DTX3L: variants seen among roughly 807,000 people sequenced by gnomAD.
DTX3L encodes deltex E3 ubiquitin ligase 3L.
In DTX3L, 34 loss-of-function variants were observed where a neutral mutation model predicts 60.9. The ratio of observed to expected loss-of-function variants is 0.56; its 90% CI spans 0.42 to 0.74. The LOEUF is 0.74. DTX3L is among the 30% of genes least tolerant of loss of function. The pLI is 0.00. For synonymous variants in DTX3L, 290 were observed against 316.6 expected (o/e 0.92, Z 0.89); for missense variants, 810 against 874.0 (o/e 0.93, Z 0.92).
intron 3 of DTX3L, 58 bp downstream of exon 3, chr3:122,570,082 A>G (rs760146446): frequency 6.5e-7 from 1 of 1,541,964 alleles, no homozygotes; most frequent in Non-Finnish European, 8.9e-7. Flanking sequence ...ACCAGGGCAA[A>G]AGAGACTGTC....
chr3:122,570,062 T>C (rs1576460239), intron 3 of DTX3L, 38 bp downstream of exon 3: 1 of 1,599,056 alleles, frequency 6.3e-7, no homozygotes, highest in Non-Finnish European at 8.5e-7. Context: ...CTTGCCACTA[T>C]GCTACGATTA....
rs948925912 is a variant in DTX3L, at chr3:122,569,789, C to G, written c.1700C>G (p.Thr567Ser). The G allele has an allele frequency of 1.2e-6, 2 of 1,614,100 alleles. No individual in the cohort carries two copies. The highest frequency in any genetic ancestry group is 2.2e-5 in the South Asian group (2 of 91,074). The change falls in exon 3 of 5, where the codon ACC becomes AGC. Residue 567 changes from threonine (T) to serine (S), a missense_variant. Transcript: ENST00000296161. ...GGCATCTGTGTCATCTGTATGGACACCATTAGTAACAAAAAAGTGCTACCA... is the reference window on the plus strand; with the variant it reads ...GGCATCTGTGTCATCTGTATGGACAGCATTAGTAACAAAAAAGTGCTACCA... ...EKGICVICMD[T>S]ISNKKVLPKC...
In DTX3L at chr3:122,569,056, C is replaced by A. The variant is rs749339925; in HGVS notation, c.967C>A (p.Gln323Lys). Residue 323 changes from glutamine to lysine, a missense_variant, in exon 3 of 5, where the codon CAG (glutamine) becomes AAG (lysine). Coordinates refer to ENST00000296161, the MANE Select transcript of DTX3L (RefSeq NM_138287.3). The stretch of plus-strand genomic sequence containing the variant: ...CAGTAAGCAGGCAAATAAATTCAAA[C>A]AGGAATTGAATCACCAGTTTACAAA... ...ADSKQANKFK[Q>K]ELNHQFTKLL... 3 of 1,613,876 alleles carry A rather than the reference C, an allele frequency of 1.9e-6. No homozygotes were observed. The highest frequency in any genetic ancestry group is 2.5e-6 in the Non-Finnish European group (3 of 1,179,942).
In DTX3L at chr3:122,569,360, A is replaced by T; in HGVS notation, c.1271A>T (p.Asp424Val). Residue 424 changes from aspartate to valine, a missense_variant, in exon 3 of 5, where the codon GAC (aspartate) becomes GTC (valine). Asp to Val is a radical substitution (Grantham distance 152, BLOSUM62 -3). Coordinates refer to ENST00000296161, the MANE Select transcript of DTX3L (RefSeq NM_138287.3). ...ACCTGCATTCTGTTTGAATCCAAGG[A>T]CAGGCAGGTAGATCTATCTGTGCAT... ...QKTCILFESK[D>V]RQVDLSVHAY... 1 of 1,614,182 alleles carries T rather than the reference A, an allele frequency of 6.2e-7. No individual in the cohort carries two copies. Among genetic ancestry groups the T allele is most frequent in the Non-Finnish European group, 8.5e-7 (1 of 1,180,032 alleles).
At chr3:122,565,822 T>C (rs372259401) in intron 1 of DTX3L, 37 bp from the exon 2 acceptor site, 43 of 1,582,362 alleles carry the variant, frequency 2.7e-5, no homozygotes, top group Non-Finnish European at 3.3e-5. Context: ...CCCATTTTTA[T>C]GTGTGTATAT....
At position 122,571,832 on chromosome 3, in the gene DTX3L, G is replaced by T; in HGVS notation, c.*85G>T. The T allele has an allele frequency of 8.6e-7, 1 of 1,156,868 alleles. No individual in the cohort carries two copies. Among genetic ancestry groups the T allele is most frequent in the Non-Finnish European group, 1.2e-6 (1 of 821,688 alleles). 71.7% of individuals were successfully genotyped at this position (1,156,868 alleles called of 1,614,324 possible). ...ATTTAATGCCAGTCTAAATCCTTAT[G>T]TAGAAAGGACTTTGAAATTTTTCTT... On this transcript the variant is annotated 3_prime_UTR_variant, in exon 5 of 5. Coordinates refer to ENST00000296161, the MANE Select transcript of DTX3L (RefSeq NM_138287.3).
rs141397700 is a variant in DTX3L at position 122,570,653 on chromosome 3, C to T, written c.2134C>T (p.Arg712Trp). ...TWNDIHHKTS[R>W]FGGPEMYGYP... is the part of the protein sequence containing the mutation. ...GAATGATATTCACCACAAAACATCC[C>T]GGTTTGGAGGACCAGAAATGTGAGA... Residue 712 changes from arginine (R) to tryptophan (W), a missense_variant, in exon 4 of 5, where the codon CGG becomes TGG. By Grantham distance (101) the Arg-to-Trp change is moderately radical. Coordinates refer to ENST00000296161, the MANE Select transcript of DTX3L (RefSeq NM_138287.3). 9.0e-5 allele frequency: 146 copies of T among 1,614,096 alleles called. No homozygotes were observed. Among genetic ancestry groups the T allele is most frequent in the East Asian group, 5.3e-4 (24 of 44,880 alleles).
In DTX3L at chr3:122,564,368, C is replaced by T; in HGVS notation, c.-59C>T. 5.2e-6 allele frequency: 8 copies of T among 1,532,958 alleles called. No individual in the cohort carries two copies. In the South Asian group the frequency reaches 9.6e-5, roughly 18 times the overall value. 95.0% of individuals were successfully genotyped at this position (1,532,958 alleles called of 1,614,324 possible). The stretch of plus-strand genomic sequence containing the variant: ...TTTGCGCCCAGTCCGCAGGGCGGGC[C>T]GCGCCTTTACCGCCCAGCTGCCTCC... On this transcript the variant is annotated 5_prime_UTR_variant, in exon 1 of 5. Coordinates refer to ENST00000296161, the MANE Select transcript of DTX3L (RefSeq NM_138287.3).
In DTX3L at chr3:122,568,992, C is replaced by G; in HGVS notation, c.903C>G (p.Asn301Lys). The change falls in exon 3 of 5, where the codon AAC (asparagine) becomes AAG (lysine). Residue 301 changes from asparagine to lysine, a missense_variant. By Grantham distance (94) the Asn-to-Lys change is moderately conservative. Transcript: ENST00000296161. ...RESFASEFQKNTEPLKQECVS... is the reference protein window; with the variant it reads ...RESFASEFQKKTEPLKQECVS... ...CTTTTGCTAGTGAATTTCAGAAGAA[C>G]ACAGAACCTCTGAAGCAAGAATGTG... The G allele has an allele frequency of 6.2e-7, 1 of 1,614,126 alleles. No individual in the cohort carries two copies. The highest frequency in any genetic ancestry group is 8.5e-7 in the Non-Finnish European group (1 of 1,180,040).
chr3:122,564,521 G>T lies in DTX3L; in HGVS notation c.95G>T (p.Ser32Ile). The T allele has an allele frequency of 1.2e-6, 2 of 1,611,798 alleles. No homozygotes were observed. Among genetic ancestry groups the T allele is most frequent in the Non-Finnish European group, 1.7e-6 (2 of 1,178,774 alleles). ...VRRKLESYFQ[S>I]SKSSGGGECT... ...AGGAAGCTGGAGAGCTACTTCCAGAGCTCTAAGTCCTCGGGCGGCGGGGAG... is the reference window on the plus strand; with the variant it reads ...AGGAAGCTGGAGAGCTACTTCCAGATCTCTAAGTCCTCGGGCGGCGGGGAG... The change falls in exon 1 of 5, where the codon AGC becomes ATC. Residue 32 changes from serine to isoleucine, a missense_variant. Coordinates refer to ENST00000296161, the MANE Select transcript of DTX3L (RefSeq NM_138287.3).
In DTX3L at chr3:122,564,388, G is replaced by A. The variant is rs1465613426; in HGVS notation, c.-39G>A. The stretch of plus-strand genomic sequence containing the variant: ...CGGGCCGCGCCTTTACCGCCCAGCT[G>A]CCTCCCGGAGCCCCCGCGCCCTCCC... On this transcript the variant is annotated 5_prime_UTR_variant, in exon 1 of 5. Transcript: ENST00000296161. 3.8e-6 allele frequency: 6 copies of A among 1,576,854 alleles called. No individual in the cohort carries two copies. The highest frequency in any genetic ancestry group is 5.2e-6 in the Non-Finnish European group (6 of 1,163,662).
Position 122,568,639 on chromosome 3 carries a change from A to G in DTX3L, c.550A>G (p.Ile184Val). The change falls in exon 3 of 5, where the codon ATA becomes GTA. Residue 184 changes from isoleucine (I) to valine (V), a missense_variant. Physicochemically the swap from Ile to Val is conservative, Grantham distance 29. Coordinates refer to ENST00000296161, the MANE Select transcript of DTX3L (RefSeq NM_138287.3). ...VCGDFQDIER[I>V]HQFLSEQFLE... ...TGGTGACTTCCAAGACATTGAAAGA[A>G]TACATCAATTTTTGAGTGAGCAGTT... 2 of 1,614,214 alleles carry G rather than the reference A, an allele frequency of 1.2e-6. No homozygotes were observed. Among genetic ancestry groups the G allele is most frequent in the Non-Finnish European group, 1.7e-6 (2 of 1,180,040 alleles).
At chr3:122,567,489 A>G (rs1349013144) in intron 2 of DTX3L, among the ~76,000 whole-genome samples, 1 of 152,196 alleles carries the variant, frequency 6.6e-6, no homozygotes, top group Non-Finnish European at 1.5e-5. Context: ...AGTCCTTGAG[A>G]AGGAACAAAA....
Position 122,570,654 on chromosome 3 carries a change from G to T in DTX3L, c.2135G>T (p.Arg712Leu). 2 of 1,614,164 alleles carry T rather than the reference G, an allele frequency of 1.2e-6. No individual in the cohort carries two copies. Among genetic ancestry groups the T allele is most frequent in the Non-Finnish European group, 1.7e-6 (2 of 1,180,026 alleles). Residue 712 changes from arginine (R) to leucine (L), a missense_variant, in exon 4 of 5, where the codon CGG (arginine) becomes CTG (leucine). By Grantham distance (102) the Arg-to-Leu change is moderately radical. Coordinates refer to ENST00000296161, the MANE Select transcript of DTX3L (RefSeq NM_138287.3). ...TWNDIHHKTS[R>L]FGGPEMYGYP... ...AATGATATTCACCACAAAACATCCC[G>T]GTTTGGAGGACCAGAAATGTGAGAT...
chr3:122,571,772 ATC>A lies in DTX3L; in HGVS notation c.*26_*27del. 1 of 1,590,278 alleles carries A rather than the reference ATC, an allele frequency of 6.3e-7. No homozygotes were observed. Among genetic ancestry groups the A allele is most frequent in the South Asian group, 1.1e-5 (1 of 88,702 alleles). Reference sequence around the variant, plus strand: ...AGACAACTGCTGGAAGATGTCTTAAATCAAGCTTTCAAAAAAATATATTTTAG... The same window carrying A: ...AGACAACTGCTGGAAGATGTCTTAAAAAGCTTTCAAAAAAATATATTTTAG... On this transcript the variant is annotated 3_prime_UTR_variant, in exon 5 of 5. Coordinates refer to ENST00000296161, the MANE Select transcript of DTX3L (RefSeq NM_138287.3).
At position 122,565,889 on chromosome 3, in the gene DTX3L, A is replaced by G; in HGVS notation, c.218A>G (p.His73Arg). ...AKERVLKKGE[H>R]QILVDEKPVP... Reference sequence around the variant, plus strand: ...GAGAGAGTGTTGAAAAAAGGAGAGCACCAAATACTTGTTGACGAAAAACCT... The same window carrying G: ...GAGAGAGTGTTGAAAAAAGGAGAGCGCCAAATACTTGTTGACGAAAAACCT... The change falls in exon 2 of 5, where the codon CAC becomes CGC. Residue 73 changes from histidine (H) to arginine (R), a missense_variant. Physicochemically the swap from His to Arg is conservative, Grantham distance 29. Transcript: ENST00000296161. 2 of 1,614,156 alleles carry G rather than the reference A, an allele frequency of 1.2e-6. No homozygotes were observed. The highest frequency in any genetic ancestry group is 1.7e-6 in the Non-Finnish European group (2 of 1,180,030).
At chr3:122,570,997 C>T (rs34407651) in intron 4 of DTX3L, among the ~76,000 whole-genome samples, 45,296 of 152,022 alleles carry the variant, frequency 0.3, 7,405 homozygotes, top group African/African-American at 0.43. Flanking sequence ...CACTTTGCTT[C>T]CTTTTAAGGT....
chr3:122,565,250 C>T (rs1340558299), intron 1 of DTX3L, among the ~76,000 whole-genome samples: 4 of 151,898 alleles, frequency 2.6e-5, no homozygotes, highest in African/African-American at 9.7e-5. Flanking sequence ...CGGTGGCTCA[C>T]GCCTGTAATC....
chr3:122,571,822 A>G lies in DTX3L; in HGVS notation c.*75A>G. The G allele has an allele frequency of 7.8e-7, 1 of 1,279,948 alleles. No individual in the cohort carries two copies. Among genetic ancestry groups the G allele is most frequent in the Non-Finnish European group, 1.1e-6 (1 of 915,494 alleles). 79.3% of individuals were successfully genotyped at this position (1,279,948 alleles called of 1,614,324 possible). On this transcript the variant is annotated 3_prime_UTR_variant, in exon 5 of 5. Coordinates refer to ENST00000296161, the MANE Select transcript of DTX3L (RefSeq NM_138287.3). ...TAGGAGGCTGATTTAATGCCAGTCT[A>G]AATCCTTATGTAGAAAGGACTTTGA... is the stretch of plus-strand genomic sequence containing the variant.
Sources: gnomAD v4.1 joint callset for allele counts (sites outside exome capture counted in the v4.1 genomes callset) on GRCh38, gnomAD v4.1.1 for gene constraint, MANE v1.5 for transcripts, NCBI Gene and HGNC (gene_info 2026-07-23, HGNC 2026-07-21) for gene names.